Variants in KLC1 observed in about 807,000 individuals in gnomAD.
The protein encoded by KLC1 is kinesin light chain 1, also known as kinesin 2 60/70kDa.
Under a neutral mutation model 84.2 loss-of-function variants are expected in KLC1, and 30 were observed. The ratio of observed to expected loss-of-function variants is 0.36; its 90% CI spans 0.27 to 0.48. The LOEUF is 0.48. Ranked by LOEUF, KLC1 falls within the 20% of genes least tolerant of loss-of-function variation. The pLI is 0.99. For synonymous variants in KLC1, 289 were observed against 293.3 expected (o/e 0.99, Z 0.15); for missense variants, 499 against 805.4 (o/e 0.62, Z 4.60).
At chr14:103,696,032 G>A (rs1222081677) in intron 15 of KLC1, 2 of 985,178 alleles carry the variant, frequency 2.0e-6, no homozygotes, top group Non-Finnish European at 2.4e-6. Context: ...TCTGGTGAGA[G>A]GAACCCCACG....
At chr14:103,680,709 C>G (rs889557581) in intron 13 of KLC1, among the ~76,000 whole-genome samples, 2 of 152,228 alleles carry the variant, frequency 1.3e-5, no homozygotes, top group African/African-American at 4.8e-5. Context: ...GCAGGCCTCC[C>G]TGTCGCCCGC....
chr14:103,654,977 A>G (rs944294265), intron 2 of KLC1, 152 bp downstream of exon 2: 49 of 849,580 alleles, frequency 5.8e-5, no homozygotes, highest in Non-Finnish European at 8.2e-5. Context: ...CTGTAATCCA[A>G]GCACTTTGGG....
At position 103,701,288 on chromosome 14, in the gene KLC1, CT is replaced by C. The variant is rs1240513947; in HGVS notation, c.*90del. 2.8e-6 allele frequency: 4 copies of C among 1,428,614 alleles called. No individual in the cohort carries two copies. In the African/African-American group the frequency reaches 5.7e-5, roughly 20 times the overall value. 88.5% of individuals were successfully genotyped at this position (1,428,614 alleles called of 1,614,324 possible). On this transcript the variant is annotated 3_prime_UTR_variant, in exon 17 of 17. Transcript: ENST00000334553. The stretch of plus-strand genomic sequence containing the variant: ...ACAGCCAGGGCGGCAGGGAGGGCCC[CT>C]GGCCGGGAGCCGCAGCGCTCACTCA...
chr14:103,657,265 G>T (rs2078908389), intron 2 of KLC1, among the ~76,000 whole-genome samples: 1 of 152,046 alleles, frequency 6.6e-6, no homozygotes, highest in Admixed American at 6.6e-5. Flanking sequence ...TCATCAGAAG[G>T]GTAGCTGTGT....
In KLC1 at chr14:103,673,382, C is replaced by A; in HGVS notation, c.1212C>A (p.Tyr404Ter). Reference protein sequence around the residue: ...QGKFKQAETLYKEILTRAHER... With the variant: ...QGKFKQAETL ...AGTTCAAGCAAGCAGAAACACTGTA[C>A]AAAGAGATTCTCACTCGTGCACATG... The change falls in exon 9 of 17, where the codon TAC becomes TAA. Residue 404 changes from tyrosine to a stop codon, truncating the protein, a stop_gained. Coordinates refer to ENST00000334553, the MANE Select transcript of KLC1 (RefSeq NM_001394837.1). LOFTEE classifies it high-confidence loss of function. 6.2e-7 allele frequency: 1 copy of A among 1,610,078 alleles called. No individual in the cohort carries two copies. Among genetic ancestry groups the A allele is most frequent in the Admixed American group, 1.7e-5 (1 of 59,252 alleles).
intron 2 of KLC1, among the ~76,000 whole-genome samples, chr14:103,655,937 G>T (rs2078804607): frequency 6.6e-6 from 1 of 152,176 alleles, no homozygotes; most frequent in Non-Finnish European, 1.5e-5. Context: ...AACAAAAACA[G>T]TGGCTTAAAC....
chr14:103,662,718 C>T lies in KLC1; in HGVS notation c.588C>T (p.Ser196=), dbSNP rs772108765. 1 of 1,597,430 alleles carries T rather than the reference C, an allele frequency of 6.3e-7. No homozygotes were observed. Among genetic ancestry groups the T allele is most frequent in the Non-Finnish European group, 8.5e-7 (1 of 1,172,158 alleles). The change falls in exon 5 of 17, where the codon AGC becomes AGT. Residue 196 remains serine, a synonymous_variant. Coordinates refer to ENST00000334553, the MANE Select transcript of KLC1 (RefSeq NM_001394837.1). ...DPGQGIQQQH[S]SAAAAAQQGG... The stretch of plus-strand genomic sequence containing the variant: ...TCGGTGCAGTCCAGCAGCAGCACAG[C>T]AGTGCAGCCGCGGCTGCCCAGCAGG...
chr14:103,651,422 A>G (rs1199555359), intron 1 of KLC1, among the ~76,000 whole-genome samples: 1 of 151,852 alleles, frequency 6.6e-6, no homozygotes, highest in African/African-American at 2.4e-5. Context: ...TTAATCTGGA[A>G]TTCATGTTAG....
chr14:103,686,315 G>A, intron 13 of KLC1: 2 of 687,490 alleles, frequency 2.9e-6, no homozygotes, highest in Non-Finnish European at 3.6e-6. Context: ...GTCATGGGGT[G>A]ACAGTTCATC....
intron 1 of KLC1, among the ~76,000 whole-genome samples, chr14:103,651,058 G>A (rs2078397061): frequency 6.6e-6 from 1 of 152,082 alleles, no homozygotes; most frequent in Admixed American, 6.6e-5. Context: ...CGCCCAGGCT[G>A]GAGTGCAGTG....
At chr14:103,672,292 G>A (rs117167308) in intron 7 of KLC1, among the ~76,000 whole-genome samples, 3 of 152,146 alleles carry the variant, frequency 2.0e-5, no homozygotes, top group Non-Finnish European at 2.9e-5. Context: ...GGCACAAAGC[G>A]GAGAGAACTC....
At chr14:103,633,337 G>A (rs924987085) in intron 1 of KLC1, among the ~76,000 whole-genome samples, 5 of 151,936 alleles carry the variant, frequency 3.3e-5, no homozygotes, top group African/African-American at 1.2e-4. Context: ...GATTACAGGC[G>A]TGAGCCACCG....
intron 14 of KLC1, among the ~76,000 whole-genome samples, chr14:103,692,028 C>A (rs2082153970): frequency 6.6e-6 from 1 of 152,188 alleles, no homozygotes; most frequent in South Asian, 2.1e-4. Flanking sequence ...CCTTGGCCTT[C>A]CAAAGCATTG....
intron 1 of KLC1, among the ~76,000 whole-genome samples, chr14:103,652,524 C>T (rs1057262527): frequency 2.0e-4 from 30 of 152,048 alleles, no homozygotes; most frequent in African/African-American, 7.2e-4. Flanking sequence ...CAGAATCTTC[C>T]TCTGTTGCCC....
chr14:103,695,328 T>C (rs1444492277), intron 15 of KLC1: 4 of 472,618 alleles, frequency 8.5e-6, no homozygotes, highest in Non-Finnish European at 9.9e-6. Context: ...TATATATATA[T>C]GTGTGTGTGT....
intron 15 of KLC1, chr14:103,700,338 C>T (rs538475182): frequency 9.5e-5 from 30 of 315,476 alleles, no homozygotes; most frequent in East Asian, 5.7e-4. Flanking sequence ...CAGGTGTCCT[C>T]GGCCTCCCTC....
chr14:103,646,375 C>T (rs376136280), intron 1 of KLC1, among the ~76,000 whole-genome samples: 1 of 152,170 alleles, frequency 6.6e-6, no homozygotes, highest in East Asian at 1.9e-4. Context: ...GATCATAGCT[C>T]ACGCAGCCTT....
chr14:103,679,416 A>G lies in KLC1; in HGVS notation c.1521A>G (p.Ala507=). The part of the protein sequence containing the change: ...GLDNVHKQRV[A]EVLNDPENME... ...ACAATGTTCACAAACAGAGGGTGGC[A>G]GAAGTGCTCAATGACCCTGAGAACA... The change falls in exon 13 of 17, where the codon GCA becomes GCG. Residue 507 remains alanine, a synonymous_variant. Coordinates refer to ENST00000334553, the MANE Select transcript of KLC1 (RefSeq NM_001394837.1). The G allele has an allele frequency of 6.2e-7, 1 of 1,614,096 alleles. No homozygotes were observed. The highest frequency in any genetic ancestry group is 8.5e-7 in the Non-Finnish European group (1 of 1,180,010).
intron 13 of KLC1, 21 bp from the exon 14 acceptor site, chr14:103,687,060 G>A (rs766670849): frequency 4.0e-6 from 6 of 1,511,262 alleles, no homozygotes; most frequent in Non-Finnish European, 4.5e-6. Context: ...GCAGCTTCAC[G>A]TTTGTTCACG....
Sources: allele counts gnomAD v4.1 joint callset (sites outside exome capture counted in the v4.1 genomes callset), GRCh38; gene constraint gnomAD v4.1.1; transcripts MANE v1.5; gene names NCBI Gene and HGNC (gene_info 2026-07-23, HGNC 2026-07-21).